TLR6: variants seen among roughly 807,000 people sequenced by gnomAD.
TLR6 encodes toll like receptor 6, also known as toll-like receptor 6.
TLR6 carries 9 observed loss-of-function variants against 16.1 expected under a neutral mutation model. The observed-to-expected ratio is 0.56, with a 90% CI of 0.34 to 0.98. TLR6 has a LOEUF of 0.98. Among genes scored for constraint, TLR6 ranks in the 50% least tolerant of loss-of-function variants. TLR6 has a pLI of 0.02. For synonymous variants in TLR6, 340 were observed against 338.6 expected, an observed-to-expected ratio of 1.00 and a Z score of -0.04; for missense variants, 786 against 921.0, an observed-to-expected ratio of 0.85 and a Z score of 1.90.
chr4:38,848,394 A>T (rs1324874897), intron 1 of TLR6, among the ~76,000 whole-genome samples: 1 of 152,250 alleles, frequency 6.6e-6, no homozygotes, highest in Admixed American at 6.5e-5. Context: ...CTCCAAAGGA[A>T]CGCAGCTCCT....
At chr4:38,845,493 G>A (rs1216001189) in intron 1 of TLR6, among the ~76,000 whole-genome samples, 3 of 152,266 alleles carry the variant, frequency 2.0e-5, no homozygotes, top group African/African-American at 7.2e-5. Flanking sequence ...AAAAGTGGAA[G>A]AGGAAGGCAG....
intron 1 of TLR6, among the ~76,000 whole-genome samples, chr4:38,852,136 T>C (rs903412210): frequency 4.6e-5 from 7 of 152,194 alleles, no homozygotes; most frequent in African/African-American, 1.7e-4. Flanking sequence ...GGGAAAGGAT[T>C]CCCTATTTAA....
intron 1 of TLR6, among the ~76,000 whole-genome samples, chr4:38,854,814 A>G: frequency 6.6e-6 from 1 of 152,244 alleles, no homozygotes; most frequent in Non-Finnish European, 1.5e-5. Flanking sequence ...TGAAAAAATC[A>G]GAATGTCTAG....
exon 2 of TLR6, chr4:38,829,224 A>T: frequency 2.5e-6 from 4 of 1,614,204 alleles, no homozygotes; most frequent in Non-Finnish European, 3.4e-6. Context: ...CTGTTATGGG[A>T]AAGTCTCAAA....
upstream of TLR6, among the ~76,000 whole-genome samples, chr4:38,857,726 T>A (rs918972695): frequency 6.6e-6 from 1 of 152,150 alleles, no homozygotes; most frequent in Non-Finnish European, 1.5e-5. Context: ...TCCGTAAGAA[T>A]CACTTCTGCT....
exon 2 of TLR6, chr4:38,828,054 C>A (rs5743817): frequency 6.2e-7 from 1 of 1,614,086 alleles, no homozygotes; most frequent in African/African-American, 1.3e-5. Flanking sequence ...TCTTGCAAAG[C>A]TTCCAGTTTT....
At chr4:38,867,716 C>G in the TLR6 span, 1 of 148,776 alleles carries the variant, frequency 6.7e-6, no homozygotes, top group Non-Finnish European at 1.5e-5. Flanking sequence ...GGGCGGGGCG[C>G]AGGCGGGGCG....
chr4:38,827,373 C>G, exon 2 of TLR6: 1 of 1,614,146 alleles, frequency 6.2e-7, no homozygotes, highest in Non-Finnish European at 8.5e-7. Flanking sequence ...GGAGACAAAA[C>G]AAAGATGGAC....
At chr4:38,828,907 T>C (rs1727692030) in exon 2 of TLR6, 1 of 1,610,098 alleles carries the variant, frequency 6.2e-7, no homozygotes, top group South Asian at 1.1e-5. Context: ...TTTGTAGACT[T>C]TCTGTCTCAT....
chr4:38,868,059 G>A, the TLR6 span: 1 of 391,852 alleles, frequency 2.6e-6, no homozygotes, highest in Admixed American at 2.7e-5. Flanking sequence ...GGGCGTGTGA[G>A]TGTGTGTGTG....
At chr4:38,854,601 T>C (rs1712896748) in intron 1 of TLR6, among the ~76,000 whole-genome samples, 1 of 152,104 alleles carries the variant, frequency 6.6e-6, no homozygotes, top group South Asian at 2.1e-4. Context: ...GAAACTAAAA[T>C]AAGAACCCTC....
At chr4:38,861,291 T>G (rs1361220770), upstream of TLR6, among the ~76,000 whole-genome samples, 1 of 152,074 alleles carries the variant, frequency 6.6e-6, no homozygotes, top group Non-Finnish European at 1.5e-5. Context: ...GGCCTCTGAG[T>G]TCTTGGACAT....
intron 1 of TLR6, among the ~76,000 whole-genome samples, chr4:38,835,840 C>T (rs1694737383): frequency 6.6e-6 from 1 of 151,968 alleles, no homozygotes; most frequent in Admixed American, 6.6e-5. Context: ...TGTATAAATA[C>T]ATGGAAATTA....
At chr4:38,852,583 C>T (rs1167594877) in intron 1 of TLR6, among the ~76,000 whole-genome samples, 2 of 152,152 alleles carry the variant, frequency 1.3e-5, no homozygotes, top group East Asian at 3.8e-4. Context: ...TATGAACAGA[C>T]ACTTCTCAAA....
At chr4:38,846,263 G>A (rs978644423) in intron 1 of TLR6, among the ~76,000 whole-genome samples, 3 of 151,560 alleles carry the variant, frequency 2.0e-5, no homozygotes, top group Non-Finnish European at 4.4e-5. Flanking sequence ...TAATAGAAAG[G>A]AGCCAAACTC....
chr4:38,862,919 T>A, the TLR6 span, among the ~76,000 whole-genome samples: 20 of 131,098 alleles, frequency 1.5e-4, no homozygotes, highest in South Asian at 4.8e-3. Flanking sequence ...AAAGCAATAA[T>A]TTCTCCCATC....
At chr4:38,848,467 C>G (rs1023324039) in intron 1 of TLR6, among the ~76,000 whole-genome samples, 1 of 152,012 alleles carries the variant, frequency 6.6e-6, no homozygotes, top group East Asian at 1.9e-4. Flanking sequence ...TGGCTTCAGA[C>G]GATCAAACTT....
At chr4:38,867,931 C>T in the TLR6 span, 2 of 242,894 alleles carry the variant, frequency 8.2e-6, no homozygotes, top group South Asian at 3.9e-5. Flanking sequence ...CATACCTTGG[C>T]GCCTCGTCCG....
intron 1 of TLR6, among the ~76,000 whole-genome samples, chr4:38,849,076 T>C (rs1712659724): frequency 6.6e-6 from 1 of 152,206 alleles, no homozygotes; most frequent in African/African-American, 2.4e-5. Context: ...TAACAGCTGA[T>C]CTCTCGGCAG....
Sources: allele counts gnomAD v4.1 joint callset (sites outside exome capture counted in the v4.1 genomes callset), GRCh38; gene constraint gnomAD v4.1.1; transcripts MANE v1.5; gene names NCBI Gene and HGNC (gene_info 2026-07-23, HGNC 2026-07-21).